Variants in HCN4 observed in about 807,000 individuals in gnomAD.
The protein encoded by HCN4 is hyperpolarization activated cyclic nucleotide gated potassium channel 4, also known as potassium/sodium hyperpolarization-activated cyclic nucleotide-gated channel 4.
A neutral mutation model predicts 76.9 loss-of-function variants in HCN4; 29 were observed. The observed-to-expected ratio is 0.38, with a 90% CI of 0.28 to 0.51. The LOEUF (loss-of-function observed/expected upper bound fraction) is 0.51. Among genes scored for constraint, HCN4 ranks in the 20% least tolerant of loss-of-function variants. HCN4 has a pLI of 0.90. For missense variants in HCN4, 1,416 were observed against 1,715.2 expected (o/e 0.83, Z 3.08); for synonymous variants, 772 against 762.5 (o/e 1.01, Z -0.21).
At chr15:73,355,775 A>G (rs1440110153) in intron 1 of HCN4, among the ~76,000 whole-genome samples, 1 of 152,100 alleles carries the variant, frequency 6.6e-6, no homozygotes, top group African/African-American at 2.4e-5. Flanking sequence ...ACACACACAC[A>G]CACACCGCCA....
At chr15:73,357,728 A>G (rs1351729929) in intron 1 of HCN4, among the ~76,000 whole-genome samples, 1 of 152,092 alleles carries the variant, frequency 6.6e-6, no homozygotes, top group East Asian at 1.9e-4. Flanking sequence ...GGCCTCACCA[A>G]TATGACACAA....
intron 1 of HCN4, among the ~76,000 whole-genome samples, chr15:73,360,470 T>C (rs796749334): frequency 5.9e-5 from 9 of 152,358 alleles, no homozygotes; most frequent in African/African-American, 2.2e-4. Context: ...CTGTGCCTGC[T>C]GACTATCCCT....
Position 73,323,175 on chromosome 15 carries a change from C to A in HCN4, c.2918G>T (p.Gly973Val). ...CTCCCCGGGAGGCTGGCCCAGCTGC[C>A]CGGGGCTAGATGACGGGGATCTGGA... ...PSSRSPSSSPGQLGQPPGELS... is the reference protein window; with the variant it reads ...PSSRSPSSSPVQLGQPPGELS... Residue 973 changes from glycine (G) to valine (V), a missense_variant, in exon 8 of 8, where the codon GGG (glycine) becomes GTG (valine). By Grantham distance (109) the Gly-to-Val change is moderately radical (BLOSUM62 -3). Coordinates refer to ENST00000261917, the MANE Select transcript of HCN4 (RefSeq NM_005477.3). 1 of 1,556,298 alleles carries A rather than the reference C, an allele frequency of 6.4e-7. No individual in the cohort carries two copies.
intron 1 of HCN4, among the ~76,000 whole-genome samples, chr15:73,356,293 C>T (rs56363629): frequency 0.027 from 4,112 of 150,944 alleles, 111 homozygotes; most frequent in Admixed American, 0.09. Flanking sequence ...GCTCAAGCCA[C>T]GCTCCTGCTT....
At chr15:73,355,718 A>T (rs1175985700) in intron 1 of HCN4, among the ~76,000 whole-genome samples, 1 of 152,138 alleles carries the variant, frequency 6.6e-6, no homozygotes, top group Non-Finnish European at 1.5e-5. Flanking sequence ...TGCAGACCCT[A>T]TGTTGCATAT....
chr15:73,330,654 C>T (rs974275572), intron 3 of HCN4, among the ~76,000 whole-genome samples: 45 of 152,150 alleles, frequency 3.0e-4, no homozygotes, highest in Admixed American at 6.5e-5. Context: ...AGCCACAGTG[C>T]AGAAACCTAC....
At chr15:73,347,205 G>A (rs1001197204) in intron 1 of HCN4, among the ~76,000 whole-genome samples, 1 of 152,202 alleles carries the variant, frequency 6.6e-6, no homozygotes, top group Non-Finnish European at 1.5e-5. Flanking sequence ...TGTGGCTGCT[G>A]TTATTTTACA....
Position 73,324,076 on chromosome 15 carries a change from C to T in HCN4, c.2143+13G>A, listed in dbSNP as rs528470932. 42 of 1,612,348 alleles carry T rather than the reference C, an allele frequency of 2.6e-5. No individual in the cohort carries two copies. In the South Asian group the frequency reaches 4.6e-4, roughly 18 times the overall value. ...ACCCCCCACCTGCCCCGCCTGTGGC[C>T]CCTCCCCCTCACCAATGCGGTCCAG... On this transcript the variant is annotated intron_variant, in intron 7 of 7. Coordinates refer to ENST00000261917, the MANE Select transcript of HCN4 (RefSeq NM_005477.3).
At position 73,367,476 on chromosome 15, in the gene HCN4, G is replaced by C. The variant is rs2043133778; in HGVS notation, c.785+10C>G. ...AGGGCACCCACAGGATCATCGCTGT[G>C]GCCCCTTACCTGAAGTCACTGTAGG... On this transcript the variant is annotated intron_variant, in intron 1 of 7. Coordinates refer to ENST00000261917, the MANE Select transcript of HCN4 (RefSeq NM_005477.3). The surrounding 1 kb of genome is among the most constrained non-coding windows in gnomAD (Gnocchi z 7.5). 1.2e-6 allele frequency: 2 copies of C among 1,612,804 alleles called. No homozygotes were observed. The highest frequency in any genetic ancestry group is 1.7e-5 in the Admixed American group (1 of 60,004).
intron 1 of HCN4, among the ~76,000 whole-genome samples, chr15:73,346,593 C>T (rs1445532453): frequency 6.6e-6 from 1 of 152,100 alleles, no homozygotes; most frequent in Non-Finnish European, 1.5e-5. Flanking sequence ...ACCTATTTGC[C>T]TCAGTACACA....
chr15:73,332,167 G>T lies in HCN4; in HGVS notation c.1335C>A (p.Phe445Leu). ...TGATGGACACCCAGCAGTCGTCAGG[G>T]AAGTCCTGTAGCATGGGTACCAGGA... ...LQFLVPMLQDFPDDCWVSINN... is the reference protein window; with the variant it reads ...LQFLVPMLQDLPDDCWVSINN... The change falls in exon 3 of 8, where the codon TTC becomes TTA. Residue 445 changes from phenylalanine to leucine, a missense_variant. This residue lies in a region of HCN4 where 112 missense variants were observed against 259.9 expected (regional missense o/e 0.43). Transcript: ENST00000261917. 2 of 1,614,206 alleles carry T rather than the reference G, an allele frequency of 1.2e-6. No individual in the cohort carries two copies. Among genetic ancestry groups the T allele is most frequent in the Non-Finnish European group, 1.7e-6 (2 of 1,180,028 alleles).
At chr15:73,359,074 T>C (rs939611967) in intron 1 of HCN4, among the ~76,000 whole-genome samples, 2 of 152,188 alleles carry the variant, frequency 1.3e-5, no homozygotes, top group African/African-American at 4.8e-5. Flanking sequence ...CACGCAGACA[T>C]AACACATCCA....
chr15:73,325,415 A>G lies in HCN4; in HGVS notation c.1620T>C (p.Phe540=). The change falls in exon 5 of 8, where the codon TTT becomes TTC. Residue 540 remains phenylalanine, a synonymous_variant. Transcript: ENST00000261917. This position sits in a 1 kb window ranked among gnomAD's most constrained non-coding sequence, Gnocchi z 7.4. ...GCCGGGTGTCGGGCGGGAGCTTGTG[A>G]AAGGACATGTACTGCTCCACCTGCT... ...KYKQVEQYMS[F]HKLPPDTRQR... The G allele has an allele frequency of 6.2e-7, 1 of 1,614,034 alleles. No homozygotes were observed. Among genetic ancestry groups the G allele is most frequent in the Non-Finnish European group, 8.5e-7 (1 of 1,179,946 alleles).
chr15:73,327,539 G>T (rs1044144489), intron 4 of HCN4, among the ~76,000 whole-genome samples: 9 of 151,864 alleles, frequency 5.9e-5, no homozygotes, highest in Non-Finnish European at 1.2e-4. Context: ...CACTGGTGCT[G>T]GCTCCAGAAG....
At chr15:73,353,521 G>T (rs1007718457) in intron 1 of HCN4, among the ~76,000 whole-genome samples, 3 of 152,156 alleles carry the variant, frequency 2.0e-5, no homozygotes, top group Non-Finnish European at 4.4e-5. Context: ...ACAGACACGT[G>T]ACACGCATGA....
chr15:73,329,835 G>C, intron 3 of HCN4, 44 bp from the exon 4 acceptor site: 330 of 1,493,898 alleles, frequency 2.2e-4, no homozygotes, highest in Non-Finnish European at 2.8e-4. Context: ...GAGAGGGAAG[G>C]CCCTTCTCAC....
At chr15:73,351,253 G>A (rs1351812621) in intron 1 of HCN4, among the ~76,000 whole-genome samples, 1 of 151,714 alleles carries the variant, frequency 6.6e-6, no homozygotes, top group Non-Finnish European at 1.5e-5. Flanking sequence ...TGCTCCTTGG[G>A]GCCCTCATCT....
intron 2 of HCN4, among the ~76,000 whole-genome samples, chr15:73,340,039 C>A (rs1016457914): frequency 1.3e-5 from 2 of 152,180 alleles, no homozygotes; most frequent in African/African-American, 2.4e-5. Context: ...TGGGGCGGCA[C>A]GTCTAGTTCA....
At chr15:73,338,407 CCTT>C (rs1193652843) in intron 2 of HCN4, among the ~76,000 whole-genome samples, 2 of 152,242 alleles carry the variant, frequency 1.3e-5, no homozygotes, top group South Asian at 2.1e-4. Flanking sequence ...TGCTCTCACT[CCTT>C]CTGCAGTTTC....
Sources: allele counts gnomAD v4.1 joint callset (sites outside exome capture counted in the v4.1 genomes callset), GRCh38; gene constraint gnomAD v4.1.1; regional missense constraint gnomAD v4.1.1; non-coding constraint Gnocchi (gnomAD v3.1); transcripts MANE v1.5; gene names NCBI Gene and HGNC (gene_info 2026-07-23, HGNC 2026-07-21).